Variants in GMDS observed in about 807,000 individuals in gnomAD.
The protein encoded by GMDS is GDP-mannose 4,6-dehydratase, also known as GDP-mannose 4,6 dehydratase.
A neutral mutation model predicts 49.9 loss-of-function variants in GMDS; 20 were observed. The observed-to-expected ratio is 0.40, with a 90% CI of 0.28 to 0.58. GMDS has a LOEUF of 0.58. GMDS is among the 20% of genes least tolerant of loss of function. The pLI, the probability that GMDS is intolerant of heterozygous loss-of-function variation, is 0.42. For synonymous variants in GMDS, 177 were observed against 178.6 expected (o/e 0.99, Z 0.07); for missense variants, 362 against 481.4 (o/e 0.75, Z 2.32).
At chr6:1,674,704 C>A (rs1764554610) in intron 9 of GMDS, among the ~76,000 whole-genome samples, 1 of 141,112 alleles carries the variant, frequency 7.1e-6, no homozygotes, top group African/African-American at 2.6e-5. Flanking sequence ...GTAGCTGGGA[C>A]ACCCAGCTAA....
intron 7 of GMDS, among the ~76,000 whole-genome samples, chr6:1,889,388 C>T (rs1274897320): frequency 1.3e-5 from 2 of 152,096 alleles, no homozygotes; most frequent in Non-Finnish European, 1.5e-5. Context: ...CATTCTTCTA[C>T]CTTCTTCTTG....
intron 7 of GMDS, among the ~76,000 whole-genome samples, chr6:1,755,943 C>A (rs1198181451): frequency 6.6e-6 from 1 of 152,138 alleles, no homozygotes; most frequent in Non-Finnish European, 1.5e-5. Context: ...TGTTGCACAG[C>A]AAAAGAAACT....
chr6:2,167,842 G>C (rs1777744980), intron 1 of GMDS, among the ~76,000 whole-genome samples: 1 of 152,114 alleles, frequency 6.6e-6, no homozygotes, highest in Non-Finnish European at 1.5e-5. Flanking sequence ...ATATATACTG[G>C]TATTAATTCC....
At chr6:2,215,642 G>A (rs1351894121) in intron 1 of GMDS, among the ~76,000 whole-genome samples, 1 of 151,966 alleles carries the variant, frequency 6.6e-6, no homozygotes, top group Non-Finnish European at 1.5e-5. Flanking sequence ...GGAGAAGAGA[G>A]AAAGAGATGG....
At chr6:2,105,694 T>C (rs1172228894) in intron 4 of GMDS, among the ~76,000 whole-genome samples, 1 of 152,182 alleles carries the variant, frequency 6.6e-6, no homozygotes, top group Non-Finnish European at 1.5e-5. Context: ...TTTACTGTTA[T>C]ATACTAAAAA....
rs544332457 is a variant in GMDS, at chr6:1,985,895, T to C, written c.346-24929A>G. On this transcript the variant is annotated intron_variant, in intron 4 of 10. Coordinates refer to ENST00000380815, the MANE Select transcript of GMDS (RefSeq NM_001500.4). ...TCTTAAAATCTAGCTTAGAGGAAAATGGGCAAGTCAGAATTTGCCCCTGGC... is the reference window on the plus strand; with the variant it reads ...TCTTAAAATCTAGCTTAGAGGAAAACGGGCAAGTCAGAATTTGCCCCTGGC... Among the ~76,000 whole-genome samples, 33 of 152,274 alleles carry C rather than the reference T, an allele frequency of 2.2e-4. 1 individual carries two copies. The South Asian group carries it at 6.8e-3, about 32-fold the overall frequency.
chr6:2,115,133 G>A (rs1774771631), intron 4 of GMDS, among the ~76,000 whole-genome samples: 2 of 152,114 alleles, frequency 1.3e-5, no homozygotes, highest in Admixed American at 1.3e-4. Flanking sequence ...CATGTGAGCA[G>A]GAGGACACGG....
intron 7 of GMDS, among the ~76,000 whole-genome samples, chr6:1,898,616 A>G (rs1246847967): frequency 6.6e-6 from 1 of 152,222 alleles, no homozygotes; most frequent in East Asian, 1.9e-4. Flanking sequence ...ACAGTCTAGC[A>G]TGGAAGAAAG....
rs113077640 is a variant in GMDS, at chr6:2,079,989, A to T, written c.345+35782T>A. Among the ~76,000 whole-genome samples the T allele has an allele frequency of 1.4e-4, 21 of 152,260 alleles. 1 individual carries two copies. The highest frequency in any genetic ancestry group is 4.8e-4 in the African/African-American group (20 of 41,558). ...TATCCCATATGTCTCGAAGGCTTCA[A>T]TTATTCTTTTTTATTCTTTTAACAT... On this transcript the variant is annotated intron_variant, in intron 4 of 10. Coordinates refer to ENST00000380815, the MANE Select transcript of GMDS (RefSeq NM_001500.4).
intron 9 of GMDS, among the ~76,000 whole-genome samples, chr6:1,666,733 C>T (rs978225465): frequency 5.9e-5 from 9 of 152,198 alleles, no homozygotes; most frequent in East Asian, 3.9e-4. Context: ...TCTCCTGTAA[C>T]GTCTACGGCT....
intron 7 of GMDS, among the ~76,000 whole-genome samples, chr6:1,795,912 T>C (rs1244876894): frequency 5.3e-5 from 8 of 152,150 alleles, no homozygotes; most frequent in Admixed American, 5.2e-4. Context: ...ATAGTCACAG[T>C]GACCCAATAA....
Position 1,915,215 on chromosome 6 carries a change from C to T in GMDS, c.771+14888G>A, listed in dbSNP as rs530849374. Reference sequence around the variant, plus strand: ...CTGAGTTCAATCTCAGGCAGTTGAGCACCGGGGTTCAAGACGCTGTGAGAG... The same window carrying T: ...CTGAGTTCAATCTCAGGCAGTTGAGTACCGGGGTTCAAGACGCTGTGAGAG... On this transcript the variant is annotated intron_variant, in intron 7 of 10. Coordinates refer to ENST00000380815, the MANE Select transcript of GMDS (RefSeq NM_001500.4). Among the ~76,000 whole-genome samples, 10 of 152,346 alleles carry T rather than the reference C, an allele frequency of 6.6e-5. No homozygotes were observed. In the South Asian group the frequency reaches 2.1e-3, roughly 32 times the overall value.
chr6:1,844,044 A>C, intron 7 of GMDS, among the ~76,000 whole-genome samples: 1 of 152,190 alleles, frequency 6.6e-6, no homozygotes, highest in East Asian at 1.9e-4. Flanking sequence ...ATAAGTAATC[A>C]CAATAGCAAC....
chr6:1,955,327 C>T (rs1321577875), intron 6 of GMDS, among the ~76,000 whole-genome samples: 2 of 152,106 alleles, frequency 1.3e-5, no homozygotes, highest in African/African-American at 4.8e-5. Flanking sequence ...TTATGATTGC[C>T]TACTTTTTTA....
intron 9 of GMDS, among the ~76,000 whole-genome samples, chr6:1,722,339 G>A (rs1483083352): frequency 1.3e-5 from 2 of 150,952 alleles, no homozygotes; most frequent in Non-Finnish European, 2.9e-5. Flanking sequence ...TGCCCGCCTC[G>A]GCCTCCCAAA....
At chr6:1,837,437 T>C (rs1756973165) in intron 7 of GMDS, among the ~76,000 whole-genome samples, 1 of 152,186 alleles carries the variant, frequency 6.6e-6, no homozygotes, top group African/African-American at 2.4e-5. Context: ...TCCATGACAA[T>C]GTGGCCTTTT....
At chr6:2,061,333 T>C (rs1771149173) in intron 4 of GMDS, among the ~76,000 whole-genome samples, 1 of 152,080 alleles carries the variant, frequency 6.6e-6, no homozygotes, top group Non-Finnish European at 1.5e-5. Flanking sequence ...AAGAAGTCAT[T>C]ATGGTATTTT....
intron 1 of GMDS, among the ~76,000 whole-genome samples, chr6:2,235,229 C>T (rs1350381483): frequency 6.6e-6 from 1 of 152,166 alleles, no homozygotes; most frequent in African/African-American, 2.4e-5. Flanking sequence ...GGGAAGCAGG[C>T]ATATTCTTCT....
intron 7 of GMDS, among the ~76,000 whole-genome samples, chr6:1,859,392 T>G (rs980821432): frequency 1.3e-5 from 2 of 152,042 alleles, no homozygotes; most frequent in African/African-American, 4.8e-5. Flanking sequence ...TAGGCTGTAG[T>G]TTGTTGGATG....
Sources: allele counts gnomAD v4.1 joint callset (sites outside exome capture counted in the v4.1 genomes callset), GRCh38; gene constraint gnomAD v4.1.1; transcripts MANE v1.5; gene names NCBI Gene and HGNC (gene_info 2026-07-23, HGNC 2026-07-21).